SYNE2: variants seen among roughly 807,000 people sequenced by gnomAD.
SYNE2 encodes nesprin-2.
In SYNE2, 431 loss-of-function variants were observed where a neutral mutation model predicts 856.3. That is an observed-to-expected ratio of 0.50 (90% CI 0.47 to 0.55). SYNE2 has a LOEUF of 0.55. Ranked by LOEUF, SYNE2 falls within the 20% of genes least tolerant of loss-of-function variation. The pLI, the probability that SYNE2 is intolerant of heterozygous loss-of-function variation, is 0.00. For synonymous variants in SYNE2, 2,923 were observed against 2,872.3 expected, an observed-to-expected ratio of 1.02 and a Z score of -0.56; for missense variants, 8,129 against 8,023.2, an observed-to-expected ratio of 1.01 and a Z score of -0.50.
intron 1 of SYNE2, among the ~76,000 whole-genome samples, chr14:63,892,265 TTTC>T (rs2095150306): frequency 6.6e-6 from 1 of 152,118 alleles, no homozygotes; most frequent in South Asian, 2.1e-4. Flanking sequence ...TCCCCGAGCA[TTTC>T]TTATCTTCTC....
At chr14:64,089,369 GAAAAAAAAAAAAA>G (rs57358817) in intron 58 of SYNE2, among the ~76,000 whole-genome samples, 192 bp from the exon 59 acceptor site, 18 of 50,480 alleles carry the variant, frequency 3.6e-4, no homozygotes, top group South Asian at 1.2e-3. Flanking sequence ...TCCGTCTCAG[GAAAAAAAAAAAAA>G]AAAAAAAAAA....
chr14:64,169,539 C>G (rs1179880880), intron 93 of SYNE2, among the ~76,000 whole-genome samples: 1 of 152,174 alleles, frequency 6.6e-6, no homozygotes, highest in Non-Finnish European at 1.5e-5. Context: ...CTGGAAATGG[C>G]CTGGCCATTT....
At chr14:63,770,368 C>G (rs1259679882) in intron 1 of SYNE2, among the ~76,000 whole-genome samples, 1 of 152,160 alleles carries the variant, frequency 6.6e-6, no homozygotes, top group African/African-American at 2.4e-5. Flanking sequence ...CCACATTCAT[C>G]GACCTCTTTG....
At chr14:64,112,119 C>T (rs1237716859) in intron 65 of SYNE2, among the ~76,000 whole-genome samples, 1 of 152,174 alleles carries the variant, frequency 6.6e-6, no homozygotes, top group African/African-American at 2.4e-5. Flanking sequence ...ATGCCTGACA[C>T]GTGTTTGTTA....
chr14:64,014,229 A>G (rs962924803), intron 32 of SYNE2, among the ~76,000 whole-genome samples: 6 of 152,184 alleles, frequency 3.9e-5, no homozygotes, highest in Non-Finnish European at 5.9e-5. Flanking sequence ...GCTGAGCAGT[A>G]TTCCATGGTA....
At position 64,098,021 on chromosome 14, in the gene SYNE2, A is replaced by C; in HGVS notation, c.12181A>C (p.Lys4061Gln). ...QRKEDLLVDL[K>Q]ATVLNLHQHL... The stretch of plus-strand genomic sequence containing the variant: ...AAAAGAAGACCTGTTGGTGGACTTG[A>C]AGGCCACCGTACTAAACCTTCACCA... The change falls in exon 62 of 116, where the codon AAG becomes CAG. Residue 4061 changes from lysine (K) to glutamine (Q), a missense_variant. Transcript: ENST00000555002. 6.2e-7 allele frequency: 1 copy of C among 1,614,204 alleles called. No individual in the cohort carries two copies. The highest frequency in any genetic ancestry group is 1.7e-5 in the Admixed American group (1 of 60,022).
intron 49 of SYNE2, among the ~76,000 whole-genome samples, chr14:64,056,568 T>TAGTGTTTTAGA: frequency 6.6e-6 from 1 of 152,242 alleles, no homozygotes; most frequent in African/African-American, 2.4e-5. Context: ...ACTAATATCT[T>TAGTGTTTTAGA]TGTACCCAAA....
chr14:64,006,123 G>C (rs578262624), intron 30 of SYNE2, among the ~76,000 whole-genome samples: 1 of 152,198 alleles, frequency 6.6e-6, no homozygotes, highest in African/African-American at 2.4e-5. Flanking sequence ...AACCTTATGG[G>C]AGTGAATTGA....
In SYNE2 at chr14:64,212,084, A is replaced by T. The variant is rs1056867267; in HGVS notation, c.18847A>T (p.Met6283Leu). Residue 6283 changes from methionine (M) to leucine (L), a missense_variant, in exon 104 of 116, where the codon ATG (methionine) becomes TTG (leucine). Around this residue, in one of 3 missense-constraint regions of SYNE2, gnomAD observed 5,410 missense variants for 5,284.8 expected, o/e 1.02. Coordinates refer to ENST00000555002, the MANE Select transcript of SYNE2 (RefSeq NM_182914.3). ...CTCAGAGAGTGACGCCGATGACAAGATGCGCCAACTGAATGTGAGGGCTGC... is the reference window on the plus strand; with the variant it reads ...CTCAGAGAGTGACGCCGATGACAAGTTGCGCCAACTGAATGTGAGGGCTGC... ...HFSESDADDKMRQLNGFQQEI... is the reference protein window; with the variant it reads ...HFSESDADDKLRQLNGFQQEI... The T allele has an allele frequency of 6.2e-7, 1 of 1,614,162 alleles. No homozygotes were observed. The highest frequency in any genetic ancestry group is 1.7e-5 in the Admixed American group (1 of 60,026).
In SYNE2 at chr14:64,062,774, A is replaced by G. The variant is rs1282871572; in HGVS notation, c.10091A>G (p.Tyr3364Cys). Residue 3364 changes from tyrosine (Y) to cysteine (C), a missense_variant, in exon 50 of 116, where the codon TAT (tyrosine) becomes TGT (cysteine). This residue lies in a region of SYNE2 where 5,410 missense variants were observed against 5,284.8 expected (regional missense o/e 1.02). Coordinates refer to ENST00000555002, the MANE Select transcript of SYNE2 (RefSeq NM_182914.3). ...AGGTATCTTGAGAATTACAAATGCT[A>G]TAGAAAAATGGAAGAGGATATTTAC... ...AERYLENYKC[Y>C]RKMEEDIYTN... The G allele has an allele frequency of 1.9e-6, 3 of 1,613,826 alleles. No homozygotes were observed. Among genetic ancestry groups the G allele is most frequent in the Middle Eastern group, 1.6e-4 (1 of 6,062 alleles).
intron 11 of SYNE2, among the ~76,000 whole-genome samples, chr14:63,974,908 A>G (rs561646464): frequency 0.014 from 636 of 44,668 alleles, 37 homozygotes; most frequent in Middle Eastern, 0.018. Context: ...ATATATATAT[A>G]TATATATATG....
At chr14:63,902,335 C>T (rs986459269) in intron 1 of SYNE2, among the ~76,000 whole-genome samples, 4 of 144,122 alleles carry the variant, frequency 2.8e-5, no homozygotes, top group East Asian at 2.1e-4. Flanking sequence ...CACTGGAACC[C>T]GGGAAGCAGA....
intron 1 of SYNE2, among the ~76,000 whole-genome samples, chr14:63,868,708 T>G (rs1213803763): frequency 1.3e-5 from 2 of 151,942 alleles, no homozygotes; most frequent in African/African-American, 2.4e-5. Context: ...GGAAGGGCTT[T>G]TGCCTATGTG....
chr14:64,147,366 G>A (rs1191772298), intron 84 of SYNE2, among the ~76,000 whole-genome samples: 1 of 152,096 alleles, frequency 6.6e-6, no homozygotes, highest in African/African-American at 2.4e-5. Context: ...GAAATGCAAA[G>A]GGTCACAACA....
chr14:64,066,286 GC>G (rs1209321356), intron 51 of SYNE2, among the ~76,000 whole-genome samples: 3 of 152,062 alleles, frequency 2.0e-5, no homozygotes, highest in Non-Finnish European at 2.9e-5. Flanking sequence ...AATCGCTTGA[GC>G]CCAGGAGTTC....
rs190280183 is a variant in SYNE2, at chr14:63,769,846, C to T, written c.-305+7860C>T. Among the ~76,000 whole-genome samples the T allele has an allele frequency of 1.9e-3, 284 of 151,232 alleles. 2 individuals are homozygous for T. The highest frequency in any genetic ancestry group is 0.01 in the South Asian group (50 of 4,792). On this transcript the variant is annotated intron_variant, in intron 1 of 23. Coordinates refer to the SYNE2 transcript ENST00000674003. ...CCCAGGAGGTGGAGGTTGCAGTGAG[C>T]CAAGATTGTGTCACTGCACTCTAGC...
At chr14:64,124,249 G>A (rs58793237) in intron 70 of SYNE2, among the ~76,000 whole-genome samples, 1 of 152,024 alleles carries the variant, frequency 6.6e-6, no homozygotes, top group Non-Finnish European at 1.5e-5. Flanking sequence ...GTGGAGTGCA[G>A]TGGCATGACC....
intron 13 of SYNE2, 25 bp downstream of exon 13, chr14:63,978,042 C>A: frequency 1.4e-6 from 2 of 1,421,698 alleles, no homozygotes; most frequent in Non-Finnish European, 2.0e-6. Flanking sequence ...CATTTCACAG[C>A]TGCTGTCACT....
In SYNE2 at chr14:64,002,821, A is replaced by T. The variant is rs1416306251; in HGVS notation, c.3888A>T (p.Ala1296=). 6.2e-7 allele frequency: 1 copy of T among 1,614,084 alleles called. No individual in the cohort carries two copies. Among genetic ancestry groups the T allele is most frequent in the African/African-American group, 1.3e-5 (1 of 74,936 alleles). ...AGTTACACCCATTTGATCTACACGC[A>T]ATGCAGAATATTATACTGAAATACA... The part of the protein sequence containing the change: ...LKELHPFDLH[A]MQNIILKYKT... The change falls in exon 30 of 116, where the codon GCA becomes GCT. Residue 1296 remains alanine (A), a synonymous_variant. Coordinates refer to ENST00000555002, the MANE Select transcript of SYNE2 (RefSeq NM_182914.3).
Sources: gnomAD v4.1 joint callset for allele counts (sites outside exome capture counted in the v4.1 genomes callset) on GRCh38, gnomAD v4.1.1 for gene constraint, gnomAD v4.1.1 regional missense constraint, MANE v1.5 for transcripts, NCBI Gene and HGNC (gene_info 2026-07-23, HGNC 2026-07-21) for gene names.